The following THADA variants were observed in gnomAD, a reference collection of about 807,000 sequenced individuals.
The protein encoded by THADA is tRNA (32-2'-O)-methyltransferase regulator THADA.
In THADA, 213 loss-of-function variants were observed where a neutral mutation model predicts 219.8. The ratio of observed to expected loss-of-function variants is 0.97; its 90% CI spans 0.87 to 1.09. The LOEUF (loss-of-function observed/expected upper bound fraction) is 1.09, where lower values mean the gene tolerates loss of function less well. Among genes scored for constraint, THADA ranks in the 50% least tolerant of loss-of-function variants. The pLI is 0.00. For missense variants in THADA, 2,956 were observed against 2,311.3 expected (o/e 1.28, Z -5.72); for synonymous variants, 1,018 against 828.9 (o/e 1.23, Z -3.92).
At chr2:43,308,801 T>C (rs1465067521) in intron 31 of THADA, among the ~76,000 whole-genome samples, 1 of 137,660 alleles carries the variant, frequency 7.3e-6, no homozygotes, top group African/African-American at 2.6e-5. Context: ...CAACCATATC[T>C]CATGATACAC....
At chr2:43,518,109 TG>T (rs954964823) in intron 22 of THADA, among the ~76,000 whole-genome samples, 3 of 152,198 alleles carry the variant, frequency 2.0e-5, no homozygotes, top group African/African-American at 7.2e-5. Context: ...TACATCTCCA[TG>T]TATCAAGGAC....
chr2:43,387,717 T>C (rs1672870608), intron 29 of THADA, among the ~76,000 whole-genome samples: 1 of 152,098 alleles, frequency 6.6e-6, no homozygotes, highest in African/African-American at 2.4e-5. Flanking sequence ...TTGGTTGTTG[T>C]TGTCACAAAT....
intron 25 of THADA, among the ~76,000 whole-genome samples, chr2:43,498,486 T>A (rs1444467335): frequency 6.6e-6 from 1 of 152,038 alleles, no homozygotes; most frequent in Non-Finnish European, 1.5e-5. Context: ...GCACATAGAT[T>A]GGGAGGAGAG....
intron 29 of THADA, among the ~76,000 whole-genome samples, chr2:43,357,450 C>A (rs571561851): frequency 1.9e-4 from 29 of 152,268 alleles, no homozygotes; most frequent in African/African-American, 7.0e-4. Context: ...AAAACCACGA[C>A]TTGAAAGTCC....
intron 30 of THADA, among the ~76,000 whole-genome samples, chr2:43,334,602 C>T (rs970607109): frequency 6.6e-6 from 1 of 152,068 alleles, no homozygotes; most frequent in Non-Finnish European, 1.5e-5. Flanking sequence ...CACTGCATGC[C>T]AACAAAGCAC....
intron 21 of THADA, 149 bp from the exon 22 acceptor site, chr2:43,528,137 T>TTG: frequency 1.9e-6 from 1 of 517,200 alleles, no homozygotes; most frequent in Non-Finnish European, 3.3e-6. Context: ...TTTTTTTTTT[T>TTG]TTTTTTTTTT....
At chr2:43,492,754 G>C (rs1299371321) in intron 25 of THADA, among the ~76,000 whole-genome samples, 1 of 152,204 alleles carries the variant, frequency 6.6e-6, no homozygotes, top group African/African-American at 2.4e-5. Context: ...CAGGAAAACT[G>C]TGCTGGGATT....
intron 30 of THADA, among the ~76,000 whole-genome samples, chr2:43,324,076 A>T (rs539781016): frequency 6.6e-6 from 1 of 152,068 alleles, no homozygotes; most frequent in Non-Finnish European, 1.5e-5. Flanking sequence ...TCTTGCCCCA[A>T]ATGTTTTTCT....
intron 29 of THADA, among the ~76,000 whole-genome samples, chr2:43,368,376 C>G (rs377389917): frequency 2.0e-5 from 3 of 152,130 alleles, no homozygotes; most frequent in East Asian, 3.9e-4. Context: ...ATCGTTAGCC[C>G]CTTATCTTCA....
chr2:43,258,893 A>G (rs1450190781), intron 36 of THADA, among the ~76,000 whole-genome samples: 1 of 152,156 alleles, frequency 6.6e-6, no homozygotes, highest in Non-Finnish European at 1.5e-5. Flanking sequence ...AAAGGTTAGA[A>G]GGACTAAAAA....
intron 17 of THADA, among the ~76,000 whole-genome samples, chr2:43,555,462 C>T (rs1697234993): frequency 1.3e-5 from 2 of 151,814 alleles, no homozygotes; most frequent in Admixed American, 1.3e-4. Context: ...TGAAATATCT[C>T]ATAAAGTCCT....
intron 12 of THADA, among the ~76,000 whole-genome samples, chr2:43,572,097 T>A (rs555942790): frequency 6.6e-6 from 1 of 152,366 alleles, no homozygotes; most frequent in South Asian, 2.1e-4. Context: ...AAGATTTTTA[T>A]TCCGTGGTAA....
chr2:43,514,671 A>ATATTATATATTATT (rs1553470439), intron 22 of THADA, among the ~76,000 whole-genome samples: 4 of 87,640 alleles, frequency 4.6e-5, no homozygotes, highest in African/African-American at 2.1e-4. Context: ...ATAATAATAT[A>ATATTATATATTATT]TAATATATTA....
intron 35 of THADA, among the ~76,000 whole-genome samples, chr2:43,285,389 G>T (rs186044445): frequency 6.6e-6 from 1 of 152,160 alleles, no homozygotes; most frequent in African/African-American, 2.4e-5. Context: ...AAAGTGTGTG[G>T]CACTTCTTCC....
At chr2:43,580,531 A>C (rs1227926957) in intron 8 of THADA, among the ~76,000 whole-genome samples, 2 of 152,134 alleles carry the variant, frequency 1.3e-5, no homozygotes, top group Admixed American at 1.3e-4. Flanking sequence ...AAAAAGAGAA[A>C]TAGAAATACT....
intron 17 of THADA, among the ~76,000 whole-genome samples, chr2:43,555,215 A>G (rs1697202554): frequency 6.6e-6 from 1 of 151,816 alleles, no homozygotes; most frequent in African/African-American, 2.4e-5. Context: ...ATATATAATA[A>G]TATATACACC....
chr2:43,262,508 G>A (rs563755056), intron 36 of THADA, among the ~76,000 whole-genome samples: 132 of 152,270 alleles, frequency 8.7e-4, no homozygotes, highest in Non-Finnish European at 7.5e-4. Context: ...GCAGTCACTT[G>A]AGAGAGAAAA....
At chr2:43,301,832 G>C (rs764249142) in intron 31 of THADA, among the ~76,000 whole-genome samples, 1 of 152,168 alleles carries the variant, frequency 6.6e-6, no homozygotes, top group African/African-American at 2.4e-5. Context: ...TGCAGGTAGA[G>C]TTCGTCAAAG....
intron 2 of THADA, 75 bp from the exon 3 acceptor site, chr2:43,592,121 A>G: frequency 1.6e-6 from 2 of 1,256,250 alleles, no homozygotes; most frequent in Non-Finnish European, 2.2e-6. Flanking sequence ...TGCATTCTAC[A>G]AAATTTTTTA....
Sources: allele counts gnomAD v4.1 joint callset (sites outside exome capture counted in the v4.1 genomes callset), GRCh38; gene constraint gnomAD v4.1.1; transcripts MANE v1.5; gene names NCBI Gene and HGNC (gene_info 2026-07-23, HGNC 2026-07-21).